The following ANKRD12 variants were observed in gnomAD, a reference collection of about 807,000 sequenced individuals.
ANKRD12 encodes ankyrin repeat domain-containing protein 12.
Under a neutral mutation model 183.4 loss-of-function variants are expected in ANKRD12, and 85 were observed. That is an observed-to-expected ratio of 0.46 (90% confidence interval 0.39 to 0.56). The LOEUF is 0.56. Ranked by LOEUF, ANKRD12 falls within the 20% of genes least tolerant of loss-of-function variation. The pLI is 0.00. For missense variants in ANKRD12, 2,405 were observed against 2,357.1 expected (o/e 1.02, Z -0.42); for synonymous variants, 914 against 800.2 (o/e 1.14, Z -2.40).
rs2040103668 is a variant in ANKRD12, at chr18:9,281,463, T to C, written c.*337T>C. The C allele has an allele frequency of 6.1e-6, 1 of 164,730 alleles. No individual in the cohort carries two copies. The highest frequency in any genetic ancestry group is 2.0e-4 in the South Asian group (1 of 4,996). 10.2% of individuals were successfully genotyped at this position (164,730 alleles called of 1,614,324 possible). A position where few individuals can be genotyped will look rare whatever the true frequency, so the allele number is the denominator to read the frequency against. ...CTCTAAGTAATAAGATAACCACTAG[T>C]ATTCAAATCTCTTTCAGGTTTTATT... is the stretch of plus-strand genomic sequence containing the variant. On this transcript the variant is annotated 3_prime_UTR_variant, in exon 13 of 13. Coordinates refer to ENST00000262126, the MANE Select transcript of ANKRD12 (RefSeq NM_015208.5).
intron 4 of ANKRD12, 61 bp downstream of exon 4, chr18:9,204,605 T>TA: frequency 3.3e-6 from 4 of 1,207,318 alleles, no homozygotes; most frequent in Non-Finnish European, 4.7e-6. Context: ...TACAATTAAT[T>TA]ATTGTACTAT....
At chr18:9,171,228 A>C (rs139061888) in intron 1 of ANKRD12, among the ~76,000 whole-genome samples, 1 of 152,140 alleles carries the variant, frequency 6.6e-6, no homozygotes, top group Non-Finnish European at 1.5e-5. Context: ...CTGTCTTCAA[A>C]GCTCAGTTGG....
intron 8 of ANKRD12, among the ~76,000 whole-genome samples, chr18:9,250,666 A>G (rs1032731767): frequency 2.0e-5 from 3 of 152,106 alleles, no homozygotes; most frequent in Admixed American, 6.5e-5. Flanking sequence ...GCAGTGAGCT[A>G]TGATTGTACC....
chr18:9,259,616 A>G (rs958871449), intron 9 of ANKRD12: 1 of 152,210 alleles, frequency 6.6e-6, no homozygotes, highest in Non-Finnish European at 1.5e-5. Context: ...ATATTGTTCT[A>G]AAAGAGACTA....
intron 2 of ANKRD12, among the ~76,000 whole-genome samples, chr18:9,192,667 T>C (rs1287445217): frequency 6.6e-6 from 1 of 151,988 alleles, no homozygotes; most frequent in Non-Finnish European, 1.5e-5. Flanking sequence ...AGGTGCCTTT[T>C]TAAACATACA....
chr18:9,187,693 T>G (rs1399527829), intron 2 of ANKRD12, among the ~76,000 whole-genome samples: 1 of 152,206 alleles, frequency 6.6e-6, no homozygotes, highest in Non-Finnish European at 1.5e-5. Context: ...CCCCATTGAT[T>G]CTAGTTTAGT....
At chr18:9,227,382 G>C (rs1312219050) in intron 8 of ANKRD12, among the ~76,000 whole-genome samples, 1 of 152,074 alleles carries the variant, frequency 6.6e-6, no homozygotes, top group Non-Finnish European at 1.5e-5. Context: ...CCACCTTCCA[G>C]GTTATGATCT....
Position 9,255,196 on chromosome 18 carries a change from G to T in ANKRD12, c.1929G>T (p.Met643Ile). 1.3e-6 allele frequency: 2 copies of T among 1,577,620 alleles called. No homozygotes were observed. Among genetic ancestry groups the T allele is most frequent in the Non-Finnish European group, 1.7e-6 (2 of 1,167,722 alleles). ...FENSDCTLKK[M>I]DKEGKTLKKH... ...ATTCAGATTGCACACTGAAAAAAAT[G>T]GATAAAGAAGGTAAAACATTAAAAA... Residue 643 changes from methionine to isoleucine, a missense_variant, in exon 9 of 13, where the codon ATG becomes ATT. Physicochemically the swap from Met to Ile is conservative, Grantham distance 10. Around this residue, in one of 7 missense-constraint regions of ANKRD12, gnomAD observed 1,983 missense variants for 1,725.9 expected, o/e 1.15. Coordinates refer to ENST00000262126, the MANE Select transcript of ANKRD12 (RefSeq NM_015208.5).
chr18:9,171,820 G>A (rs1187990106), intron 1 of ANKRD12, among the ~76,000 whole-genome samples: 2 of 152,012 alleles, frequency 1.3e-5, no homozygotes, highest in African/African-American at 4.8e-5. Context: ...AGGAGTTCGA[G>A]ACCAGCCTAG....
chr18:9,244,006 C>G lies in ANKRD12; in HGVS notation c.944-10205C>G, dbSNP rs375828843. ...TAAATACAAAGAAAAATTGGCCAGG[C>G]TACTATAATCTCAGCTACTTGGGAG... On this transcript the variant is annotated intron_variant, in intron 8 of 12. Transcript: ENST00000262126. Among the ~76,000 whole-genome samples, 26 of 152,116 alleles carry G rather than the reference C, an allele frequency of 1.7e-4. No individual in the cohort carries two copies. In the East Asian group the frequency reaches 4.1e-3, roughly 24 times the overall value.
intron 4 of ANKRD12, among the ~76,000 whole-genome samples, chr18:9,205,119 A>G (rs1368914102): frequency 6.6e-6 from 1 of 152,240 alleles, no homozygotes; most frequent in Non-Finnish European, 1.5e-5. Flanking sequence ...CAACCTCTCT[A>G]TTAAGCTATG....
intron 10 of ANKRD12, among the ~76,000 whole-genome samples, chr18:9,272,538 G>C (rs1285422737): frequency 6.6e-6 from 1 of 151,814 alleles, no homozygotes; most frequent in South Asian, 2.1e-4. Flanking sequence ...CTCCAGCCTG[G>C]ACGACAGAGT....
rs1458210303 is a variant in ANKRD12 at position 9,136,917 on chromosome 18, C to G, written c.-100C>G. On this transcript the variant is annotated 5_prime_UTR_variant, in exon 1 of 13. Transcript: ENST00000262126. The stretch of plus-strand genomic sequence containing the variant: ...AAGACAACGACAGCGACGGCTACGC[C>G]GAAGCACTCGTTCCGGGGGTGAAGC... 6.6e-6 allele frequency: 1 copy of G among 152,336 alleles called. No individual in the cohort carries two copies. Among genetic ancestry groups the G allele is most frequent in the African/African-American group, 2.4e-5 (1 of 41,442 alleles). 9.4% of individuals were successfully genotyped at this position (152,336 alleles called of 1,614,324 possible).
Position 9,211,694 on chromosome 18 carries a change from C to G in ANKRD12, c.562C>G (p.Pro188Ala), listed in dbSNP as rs760955656. Reference protein sequence around the residue: ...VNKRNERGETPLHMAAIRGDV... With the variant: ...VNKRNERGETALHMAAIRGDV... ...TAAAAGAAATGAACGTGGTGAAACT[C>G]CTTTACACATGGCTGCTATTCGAGG... The change falls in exon 6 of 13, where the codon CCT becomes GCT. Residue 188 changes from proline to alanine, a missense_variant. Pro to Ala is a conservative substitution (Grantham distance 27). Around this residue, in one of 7 missense-constraint regions of ANKRD12, gnomAD observed 39 missense variants for 104.8 expected, o/e 0.37. Transcript: ENST00000262126. The G allele has an allele frequency of 1.9e-6, 3 of 1,613,746 alleles. No individual in the cohort carries two copies. Among genetic ancestry groups the G allele is most frequent in the Non-Finnish European group, 2.5e-6 (3 of 1,179,838 alleles).
chr18:9,201,316 C>G (rs2035151944), intron 3 of ANKRD12, among the ~76,000 whole-genome samples: 1 of 152,074 alleles, frequency 6.6e-6, no homozygotes, highest in Non-Finnish European at 1.5e-5. Flanking sequence ...AATTTCTTTC[C>G]TAGTCTTAAC....
intron 9 of ANKRD12, among the ~76,000 whole-genome samples, chr18:9,260,542 C>T (rs2038905548): frequency 6.6e-6 from 1 of 152,088 alleles, no homozygotes; most frequent in South Asian, 2.1e-4. Context: ...TTGTTACAAC[C>T]TAGTCTCTAC....
At position 9,195,707 on chromosome 18, in the gene ANKRD12, AT is replaced by A; in HGVS notation, c.235+12del. ...ACGAGATTCAGACACAGGTAGAATA[AT>A]TTGCTGTTCTCTGGTAAAATCTTGC... On this transcript the variant is annotated intron_variant, in intron 3 of 12. Transcript: ENST00000262126. 6.2e-7 allele frequency: 1 copy of A among 1,603,738 alleles called. No homozygotes were observed. The highest frequency in any genetic ancestry group is 1.3e-5 in the African/African-American group (1 of 74,242).
rs201122455 is a variant in ANKRD12, at chr18:9,285,219, AAAAAG to A, written c.*4097_*4101del. 883 of 151,098 alleles carry A rather than the reference AAAAAG, an allele frequency of 5.8e-3. 5 individuals carry two copies. Among genetic ancestry groups the A allele is most frequent in the Non-Finnish European group, 9.0e-3 (610 of 67,790 alleles). The allele number at this position is 151,098 out of a possible 1,614,324, so 9.4% of individuals were successfully genotyped here. A position where few individuals can be genotyped will look rare whatever the true frequency, so the allele number is the denominator to read the frequency against. ...GCGAGACTCCGTCTCAAAAAAAAAAAAAAAGAAAGAAAAGAAAATAGGCCAATATG... is the reference window on the plus strand; with the variant it reads ...GCGAGACTCCGTCTCAAAAAAAAAAAAAAGAAAAGAAAATAGGCCAATATG... On this transcript the variant is annotated 3_prime_UTR_variant, in exon 13 of 13. Transcript: ENST00000262126.
chr18:9,215,496 C>T (rs2036047448), intron 6 of ANKRD12, among the ~76,000 whole-genome samples: 1 of 152,074 alleles, frequency 6.6e-6, no homozygotes, highest in African/African-American at 2.4e-5. Context: ...TTGATTTCGA[C>T]ACCAAAGGCA....
Sources: gnomAD v4.1 joint callset for allele counts (sites outside exome capture counted in the v4.1 genomes callset) on GRCh38, gnomAD v4.1.1 for gene constraint, gnomAD v4.1.1 regional missense constraint, MANE v1.5 for transcripts, NCBI Gene and HGNC (gene_info 2026-07-23, HGNC 2026-07-21) for gene names.